The following LPP variants were observed in gnomAD, a reference collection of about 807,000 sequenced individuals.
LPP encodes the protein lipoma-preferred partner.
In LPP, 38 loss-of-function variants were observed where a neutral mutation model predicts 60.4. The observed-to-expected ratio is 0.63, with a 90% CI of 0.49 to 0.83. The LOEUF is 0.83. Among genes scored for constraint, LPP ranks in the 40% least tolerant of loss-of-function variants. The pLI is 0.00. For missense variants in LPP, 902 were observed against 783.6 expected (o/e 1.15, Z -1.80); for synonymous variants, 328 against 290.8 (o/e 1.13, Z -1.30).
At chr3:188,773,842 G>A (rs1372856240) in intron 9 of LPP, among the ~76,000 whole-genome samples, 1 of 151,954 alleles carries the variant, frequency 6.6e-6, no homozygotes, top group Non-Finnish European at 1.5e-5. Flanking sequence ...CTAGTGGAAG[G>A]GGGCATAGGA....
chr3:188,350,188 A>G (rs1765468991), intron 3 of LPP, among the ~76,000 whole-genome samples: 1 of 152,180 alleles, frequency 6.6e-6, no homozygotes, highest in African/African-American at 2.4e-5. Flanking sequence ...GCTTGCTAAG[A>G]AATTGAAGGA....
At position 188,878,759 on chromosome 3, in the gene LPP, T is replaced by TAAAAAAAAAAAAAAAAAAAAAA. The variant is rs11448997; in HGVS notation, c.*4296_*4297insAAAAAAAAAAAAAAAAAAAAAA. 2.6e-5 allele frequency: 4 copies of TAAAAAAAAAAAAAAAAAAAAAA among 153,944 alleles called. No homozygotes were observed. The highest frequency in any genetic ancestry group is 1.0e-4 in the East Asian group (1 of 9,572). 9.5% of individuals were successfully genotyped at this position (153,944 alleles called of 1,614,324 possible). Reference sequence around the variant, plus strand: ...ATATACTCACCAAAAAGTAAAAAAGTAAAAAAAAAAAAAAAAGAAAGAAAG... The same window carrying TAAAAAAAAAAAAAAAAAAAAAA: ...ATATACTCACCAAAAAGTAAAAAAGTAAAAAAAAAAAAAAAAAAAAAAAAAAAAAAAAAAAAAAGAAAGAAAG... On this transcript the variant is annotated 3_prime_UTR_variant, in exon 12 of 12. Coordinates refer to ENST00000617246, the MANE Select transcript of LPP (RefSeq NM_001375462.1).
intron 1 of LPP, among the ~76,000 whole-genome samples, chr3:188,210,960 CCT>C (rs1560113896): frequency 6.6e-6 from 1 of 152,102 alleles, no homozygotes; most frequent in Non-Finnish European, 1.5e-5. Flanking sequence ...AGTGGAAGGC[CCT>C]CTGATTCTGT....
intron 5 of LPP, among the ~76,000 whole-genome samples, chr3:188,523,215 A>G (rs1201641094): frequency 2.6e-5 from 4 of 152,168 alleles, no homozygotes; most frequent in Admixed American, 1.3e-4. Flanking sequence ...CCTGAAATCC[A>G]TGTTTAAAGA....
chr3:188,398,285 A>G (rs1489623663), intron 3 of LPP, among the ~76,000 whole-genome samples: 1 of 152,246 alleles, frequency 6.6e-6, no homozygotes, highest in Non-Finnish European at 1.5e-5. Context: ...GTGTACAGAT[A>G]GGAAGGGTCA....
intron 2 of LPP, among the ~76,000 whole-genome samples, chr3:188,232,797 T>C (rs913541556): frequency 6.6e-6 from 1 of 152,004 alleles, no homozygotes; most frequent in Non-Finnish European, 1.5e-5. Flanking sequence ...AGTCACTGAA[T>C]CCTACCTAGT....
intron 2 of LPP, among the ~76,000 whole-genome samples, chr3:188,311,548 C>T (rs1753443434): frequency 6.6e-6 from 1 of 151,230 alleles, no homozygotes; most frequent in African/African-American, 2.4e-5. Context: ...ATAAAATAAA[C>T]TTACGGAGTT....
intron 4 of LPP, among the ~76,000 whole-genome samples, chr3:188,471,045 C>T (rs949325927): frequency 7.2e-5 from 11 of 152,240 alleles, no homozygotes; most frequent in Admixed American, 5.2e-4. Flanking sequence ...TCAGAACAGA[C>T]GTTTACCAAG....
intron 4 of LPP, among the ~76,000 whole-genome samples, chr3:188,453,535 A>G (rs889174113): frequency 8.6e-5 from 13 of 151,962 alleles, no homozygotes; most frequent in Non-Finnish European, 1.6e-4. Flanking sequence ...GTCTCACCTC[A>G]GCGCCAGTTG....
intron 1 of LPP, among the ~76,000 whole-genome samples, chr3:188,208,823 A>T (rs1733971625): frequency 6.6e-6 from 1 of 152,254 alleles, no homozygotes; most frequent in Non-Finnish European, 1.5e-5. Flanking sequence ...CCCGTAGAAC[A>T]TCAAATCATT....
At chr3:188,806,041 G>A (rs1404440240) in intron 9 of LPP, among the ~76,000 whole-genome samples, 1 of 151,772 alleles carries the variant, frequency 6.6e-6, no homozygotes, top group African/African-American at 2.4e-5. Context: ...AAAAATATGT[G>A]TATTCTGCTA....
At chr3:188,419,009 G>A (rs1278390293) in intron 4 of LPP, among the ~76,000 whole-genome samples, 1 of 152,010 alleles carries the variant, frequency 6.6e-6, no homozygotes, top group African/African-American at 2.4e-5. Flanking sequence ...AATGACTTGG[G>A]TTTTAGTAAG....
rs537390108 is a variant in LPP at position 188,327,277 on chromosome 3, C to T, written c.-66-14386C>T. Among the ~76,000 whole-genome samples the T allele has an allele frequency of 4.6e-5, 7 of 152,212 alleles. No individual in the cohort carries two copies. The East Asian group carries it at 5.8e-4, about 13-fold the overall frequency. ...TAGTTTATGAGCCTCTAATAATATA[C>T]GGTTAGACTACCATTATCTCTTTCG... is the stretch of plus-strand genomic sequence containing the variant. On this transcript the variant is annotated intron_variant, in intron 2 of 11. Transcript: ENST00000617246.
intron 3 of LPP, among the ~76,000 whole-genome samples, chr3:188,383,779 A>G (rs1466203817): frequency 6.6e-6 from 1 of 152,186 alleles, no homozygotes; most frequent in Non-Finnish European, 1.5e-5. Flanking sequence ...CAATGTTGCT[A>G]CATATTCCAA....
At chr3:188,673,877 AT>A (rs773776727) in intron 7 of LPP, among the ~76,000 whole-genome samples, 218 of 111,736 alleles carry the variant, frequency 2.0e-3, no homozygotes, top group Non-Finnish European at 2.9e-3. Flanking sequence ...TGTCTCTGTA[AT>A]TTTTTTCTTT....
At chr3:188,683,381 G>A (rs529119089) in intron 7 of LPP, among the ~76,000 whole-genome samples, 2 of 152,070 alleles carry the variant, frequency 1.3e-5, no homozygotes, top group African/African-American at 2.4e-5. Context: ...TCCTTTTACT[G>A]GAATTATCTT....
intron 3 of LPP, among the ~76,000 whole-genome samples, chr3:188,349,547 G>C (rs1765288250): frequency 6.6e-6 from 1 of 152,194 alleles, no homozygotes; most frequent in African/African-American, 2.4e-5. Flanking sequence ...ACACAGCGCT[G>C]TCTCATCAAT....
intron 4 of LPP, among the ~76,000 whole-genome samples, chr3:188,456,375 C>A (rs1797744188): frequency 6.6e-6 from 1 of 152,178 alleles, no homozygotes; most frequent in South Asian, 2.1e-4. Flanking sequence ...TTTACACCAA[C>A]AGGGACCTTA....
chr3:188,161,655 C>T (rs1312190908), intron 1 of LPP, among the ~76,000 whole-genome samples: 1 of 152,174 alleles, frequency 6.6e-6, no homozygotes, highest in Non-Finnish European at 1.5e-5. Flanking sequence ...ACAGCCTTTA[C>T]TCCTAGGCCA....
Sources: allele counts gnomAD v4.1 joint callset (sites outside exome capture counted in the v4.1 genomes callset), GRCh38; gene constraint gnomAD v4.1.1; transcripts MANE v1.5; gene names NCBI Gene and HGNC (gene_info 2026-07-23, HGNC 2026-07-21).